TMTC1: variants seen among roughly 807,000 people sequenced by gnomAD.
TMTC1 encodes the protein protein O-mannosyl-transferase TMTC1.
In TMTC1, 73 loss-of-function variants were observed where a neutral mutation model predicts 104.8. The observed-to-expected ratio is 0.70, with a 90% CI of 0.58 to 0.85. TMTC1 has a LOEUF of 0.85. TMTC1 is among the 40% of genes least tolerant of loss of function. TMTC1 has a pLI of 0.00. For missense variants in TMTC1, 1,035 were observed against 1,096.1 expected, an observed-to-expected ratio of 0.94 and a Z score of 0.79; for synonymous variants, 434 against 428.7, an observed-to-expected ratio of 1.01 and a Z score of -0.15.
intron 10 of TMTC1, among the ~76,000 whole-genome samples, chr12:29,548,609 T>A (rs1449690111): frequency 6.6e-6 from 1 of 152,024 alleles, no homozygotes; most frequent in African/African-American, 2.4e-5. Context: ...CCTTGCACCA[T>A]AATGGTGAGG....
At chr12:29,544,326 C>A (rs1944884607) in intron 10 of TMTC1, among the ~76,000 whole-genome samples, 1 of 152,020 alleles carries the variant, frequency 6.6e-6, no homozygotes, top group Admixed American at 6.6e-5. Context: ...AGTTAACATT[C>A]AGAGAATAGG....
At chr12:29,717,247 G>C (rs1942110495) in intron 5 of TMTC1, among the ~76,000 whole-genome samples, 1 of 152,108 alleles carries the variant, frequency 6.6e-6, no homozygotes, top group African/African-American at 2.4e-5. Context: ...AATTTTAGGT[G>C]CCAATATAAA....
chr12:29,663,696 T>TTTTTTTTTTTTTTTTTTTTTTTTTTTTG (rs1555184030), intron 5 of TMTC1, among the ~76,000 whole-genome samples: 21 of 148,578 alleles, frequency 1.4e-4, no homozygotes, highest in African/African-American at 3.0e-4. Context: ...TTTGTACTTT[T>TTTTTTTTTTTTTTTTTTTTTTTTTTTTG]AGTAGAGACA....
intron 9 of TMTC1, among the ~76,000 whole-genome samples, chr12:29,563,683 T>C (rs2136279138): frequency 6.6e-6 from 1 of 152,302 alleles, no homozygotes; most frequent in South Asian, 2.1e-4. Flanking sequence ...CCTCTGACTC[T>C]AAGAGCCCTG....
intron 5 of TMTC1, among the ~76,000 whole-genome samples, chr12:29,650,367 G>A (rs10843464): frequency 0.24 from 36,300 of 151,926 alleles, 4,428 homozygotes; most frequent in African/African-American, 0.29. Context: ...TTACAGGTGT[G>A]AGCCACCTTG....
chr12:29,558,244 T>C (rs905766584), intron 9 of TMTC1, among the ~76,000 whole-genome samples: 10 of 152,204 alleles, frequency 6.6e-5, no homozygotes, highest in Non-Finnish European at 5.9e-5. Flanking sequence ...CCGGTAGAGC[T>C]GGCTTTTAAT....
intron 7 of TMTC1, among the ~76,000 whole-genome samples, 179 bp from the exon 8 acceptor site, chr12:29,583,753 GT>G (rs1396472424): frequency 1.9e-4 from 29 of 152,294 alleles, no homozygotes; most frequent in African/African-American, 6.7e-4. Context: ...GCACTAGCAG[GT>G]TTGCTATTTC....
At position 29,595,115 on chromosome 12, in the gene TMTC1, T is replaced by C. The variant is rs113725034; in HGVS notation, c.1250+9063A>G. Among the ~76,000 whole-genome samples the C allele has an allele frequency of 6.5e-3, 989 of 152,358 alleles. 11 individuals are homozygous for C. Among genetic ancestry groups the C allele is most frequent in the African/African-American group, 0.023 (936 of 41,578 alleles). ...TCATCTGAATCCAAATTATACTTTA[T>C]ATTAAATTTTACTTTCAAATCCTGA... On this transcript the variant is annotated intron_variant, in intron 7 of 17. Coordinates refer to ENST00000539277, the MANE Select transcript of TMTC1 (RefSeq NM_001193451.2).
intron 5 of TMTC1, among the ~76,000 whole-genome samples, chr12:29,714,784 G>C (rs1374030132): frequency 6.6e-6 from 1 of 152,146 alleles, no homozygotes; most frequent in Non-Finnish European, 1.5e-5. Flanking sequence ...ATATGTCCCT[G>C]GCTCAGACTC....
At chr12:29,621,979 C>T (rs1243772837) in intron 6 of TMTC1, among the ~76,000 whole-genome samples, 2 of 152,054 alleles carry the variant, frequency 1.3e-5, no homozygotes, top group Non-Finnish European at 2.9e-5. Context: ...TTCTGGGGCT[C>T]GGTGCCACAG....
intron 9 of TMTC1, among the ~76,000 whole-genome samples, chr12:29,569,260 A>C (rs565593254): frequency 1.3e-5 from 2 of 152,356 alleles, no homozygotes; most frequent in African/African-American, 4.8e-5. Context: ...CATGTCATAC[A>C]TAATTACTAA....
chr12:29,523,297 T>C (rs543248201), intron 11 of TMTC1, among the ~76,000 whole-genome samples: 1 of 152,298 alleles, frequency 6.6e-6, no homozygotes, highest in East Asian at 1.9e-4. Context: ...GCCACTGCCA[T>C]GTGGTCAGGG....
At chr12:29,752,570 C>T (rs146553083) in intron 4 of TMTC1, among the ~76,000 whole-genome samples, 3 of 152,260 alleles carry the variant, frequency 2.0e-5, no homozygotes, top group Admixed American at 6.5e-5. Context: ...AATTTCACTG[C>T]AGCTTAGTTT....
At chr12:29,579,804 T>C (rs763995756) in intron 8 of TMTC1, among the ~76,000 whole-genome samples, 51 of 152,188 alleles carry the variant, frequency 3.4e-4, no homozygotes, top group Non-Finnish European at 6.3e-4. Context: ...AAAGAAAATA[T>C]GCCTTGCAGC....
chr12:29,572,405 G>C (rs898314158), intron 8 of TMTC1, among the ~76,000 whole-genome samples, 187 bp from the exon 9 acceptor site: 5 of 152,156 alleles, frequency 3.3e-5, no homozygotes, highest in Admixed American at 3.3e-4. Flanking sequence ...GCTTTCTATA[G>C]AAAACAATGG....
intron 5 of TMTC1, among the ~76,000 whole-genome samples, chr12:29,710,548 TAATA>T (rs539864767): frequency 1.4e-5 from 2 of 145,968 alleles, no homozygotes; most frequent in South Asian, 2.1e-4. Context: ...TCCTTATATA[TAATA>T]TATATAAAAT....
chr12:29,625,170 T>C (rs1937912497), intron 6 of TMTC1, among the ~76,000 whole-genome samples: 1 of 152,210 alleles, frequency 6.6e-6, no homozygotes. Context: ...ATTTCATCTA[T>C]TGTTTCTTTT....
intron 7 of TMTC1, among the ~76,000 whole-genome samples, chr12:29,593,888 A>G (rs1946344485): frequency 6.6e-6 from 1 of 152,252 alleles, no homozygotes; most frequent in East Asian, 1.9e-4. Context: ...AAAACATAGC[A>G]GGGGCTGCTT....
intron 7 of TMTC1, among the ~76,000 whole-genome samples, chr12:29,595,134 A>C (rs1946374818): frequency 6.6e-6 from 1 of 152,184 alleles, no homozygotes; most frequent in South Asian, 2.1e-4. Context: ...TTACTTTCAA[A>C]TCCTGATTTC....
Sources: allele counts gnomAD v4.1 joint callset (sites outside exome capture counted in the v4.1 genomes callset), GRCh38; gene constraint gnomAD v4.1.1; transcripts MANE v1.5; gene names NCBI Gene and HGNC (gene_info 2026-07-23, HGNC 2026-07-21).